LRMDA: variants seen among roughly 807,000 people sequenced by gnomAD.
The protein encoded by LRMDA is leucine rich melanocyte differentiation associated.
Under a neutral mutation model 29.8 loss-of-function variants are expected in LRMDA, and 18 were observed. The observed-to-expected ratio is 0.60, with a 90% confidence interval of 0.42 to 0.90. The LOEUF is 0.90. Ranked by LOEUF, LRMDA falls within the 40% of genes least tolerant of loss-of-function variation. The pLI is 0.00. For missense variants in LRMDA, 273 were observed against 273.9 expected (o/e 1.00, Z 0.02); for synonymous variants, 125 against 109.4 (o/e 1.14, Z -0.89).
intron 2 of LRMDA, among the ~76,000 whole-genome samples, chr10:75,942,905 G>A (rs1472309443): frequency 1.3e-5 from 2 of 152,118 alleles, no homozygotes; most frequent in East Asian, 1.9e-4. Flanking sequence ...TCATCCATGA[G>A]TCTGGATTTG....
At chr10:75,749,007 G>T (rs1280069138) in intron 2 of LRMDA, among the ~76,000 whole-genome samples, 3 of 152,078 alleles carry the variant, frequency 2.0e-5, no homozygotes, top group Non-Finnish European at 4.4e-5. Context: ...GGTTTGAACT[G>T]CATGGATCCA....
Position 76,047,049 on chromosome 10 carries a change from C to A in LRMDA, c.259-115C>A. The A allele has an allele frequency of 1.8e-6, 2 of 1,131,924 alleles. 1 individual carries two copies. Among genetic ancestry groups the A allele is most frequent in the Non-Finnish European group, 2.6e-6 (2 of 778,482 alleles). 70.1% of individuals were successfully genotyped at this position (1,131,924 alleles called of 1,614,324 possible). The stretch of plus-strand genomic sequence containing the variant: ...TACCCACAGCTGAATTGATTTCAGC[C>A]CCCACCCTGAGGTCTCACAGGAGCA... On this transcript the variant is annotated intron_variant, in intron 3 of 6. Coordinates refer to ENST00000611255, the MANE Select transcript of LRMDA (RefSeq NM_001305581.2).
chr10:75,783,515 G>C (rs556877551), intron 2 of LRMDA, among the ~76,000 whole-genome samples: 1 of 150,992 alleles, frequency 6.6e-6, no homozygotes, highest in South Asian at 2.1e-4. Flanking sequence ...GTCTGAGAAT[G>C]GTTTCTGGTT....
chr10:76,533,150 AGT>A (rs869185598), intron 6 of LRMDA, among the ~76,000 whole-genome samples: 1 of 65,104 alleles, frequency 1.5e-5, no homozygotes, highest in African/African-American at 3.8e-5. Context: ...CGAGAGCGAG[AGT>A]GAGAGAGAGC....
At chr10:75,484,765 A>G (rs944849329) in intron 2 of LRMDA, among the ~76,000 whole-genome samples, 1 of 152,214 alleles carries the variant, frequency 6.6e-6, no homozygotes, top group Admixed American at 6.5e-5. Flanking sequence ...TGTGTGAGAC[A>G]CAGCAAGAAG....
intron 2 of LRMDA, among the ~76,000 whole-genome samples, chr10:75,756,965 T>C (rs1387320428): frequency 1.3e-5 from 2 of 152,204 alleles, no homozygotes; most frequent in African/African-American, 4.8e-5. Flanking sequence ...CATGTATTAG[T>C]CTTGAACTAT....
chr10:75,487,895 C>T (rs1844934508), intron 2 of LRMDA, among the ~76,000 whole-genome samples: 1 of 152,186 alleles, frequency 6.6e-6, no homozygotes. Context: ...GCATGGGTCA[C>T]TCTGAGGGTT....
intron 2 of LRMDA, among the ~76,000 whole-genome samples, chr10:75,457,126 CA>C (rs1844526882): frequency 6.6e-6 from 1 of 152,132 alleles, no homozygotes; most frequent in African/African-American, 2.4e-5. Context: ...AGACAGAGAA[CA>C]AAAATGTGCA....
intron 2 of LRMDA, among the ~76,000 whole-genome samples, chr10:75,483,821 T>G (rs954905756): frequency 2.0e-4 from 31 of 152,174 alleles, no homozygotes; most frequent in Non-Finnish European, 3.7e-4. Flanking sequence ...ATTTTTATGC[T>G]TCTCATTTTT....
chr10:76,179,243 G>T (rs12354668), intron 5 of LRMDA, among the ~76,000 whole-genome samples: 7,794 of 152,144 alleles, frequency 0.051, 271 homozygotes, highest in South Asian at 0.083. Context: ...AAGGAGGGGG[G>T]GGTGGTGGAG....
At chr10:76,152,475 A>T (rs1850463550) in intron 5 of LRMDA, among the ~76,000 whole-genome samples, 1 of 152,232 alleles carries the variant, frequency 6.6e-6, no homozygotes, top group Non-Finnish European at 1.5e-5. Context: ...ATAATGAATA[A>T]TGCTGCTATT....
intron 5 of LRMDA, among the ~76,000 whole-genome samples, chr10:76,215,857 AG>A (rs1851719113): frequency 1.3e-5 from 2 of 152,262 alleles, no homozygotes; most frequent in South Asian, 4.1e-4. Context: ...TTTATATCAC[AG>A]CACAATGAAT....
At chr10:75,791,315 A>G (rs1843560958) in intron 2 of LRMDA, among the ~76,000 whole-genome samples, 1 of 152,220 alleles carries the variant, frequency 6.6e-6, no homozygotes, top group Non-Finnish European at 1.5e-5. Context: ...AGAGAATAGA[A>G]ACCAATAAAA....
chr10:75,602,511 A>G (rs889474662), intron 2 of LRMDA, among the ~76,000 whole-genome samples: 1 of 152,148 alleles, frequency 6.6e-6, no homozygotes, highest in Non-Finnish European at 1.5e-5. Flanking sequence ...AAGGTCTAAT[A>G]CGGAGTCTCC....
intron 5 of LRMDA, among the ~76,000 whole-genome samples, chr10:76,264,709 G>A (rs1002426295): frequency 1.3e-5 from 2 of 152,116 alleles, no homozygotes; most frequent in African/African-American, 2.4e-5. Flanking sequence ...AGAAAGGTAC[G>A]CATGGAGAAA....
intron 5 of LRMDA, among the ~76,000 whole-genome samples, chr10:76,283,750 G>A (rs1840235826): frequency 6.6e-6 from 1 of 152,166 alleles, no homozygotes; most frequent in African/African-American, 2.4e-5. Context: ...TCATCCAGGT[G>A]TTTGGTTGAG....
At chr10:76,544,178 C>G (rs1843391417) in intron 6 of LRMDA, among the ~76,000 whole-genome samples, 1 of 152,154 alleles carries the variant, frequency 6.6e-6, no homozygotes, top group Non-Finnish European at 1.5e-5. Flanking sequence ...AATGTCTACG[C>G]TGTTAATTTG....
chr10:76,515,427 AACTT>A (rs1398518067), intron 6 of LRMDA, among the ~76,000 whole-genome samples: 12 of 152,334 alleles, frequency 7.9e-5, no homozygotes, highest in Admixed American at 2.6e-4. Flanking sequence ...TAATTTCACT[AACTT>A]AAGTATTTAA....
intron 2 of LRMDA, among the ~76,000 whole-genome samples, chr10:75,996,494 G>A (rs975571870): frequency 1.3e-5 from 2 of 152,178 alleles, no homozygotes; most frequent in African/African-American, 4.8e-5. Context: ...CAATCTACTT[G>A]TATAAGATGC....
Sources: gnomAD v4.1 joint callset for allele counts (sites outside exome capture counted in the v4.1 genomes callset) on GRCh38, gnomAD v4.1.1 for gene constraint, MANE v1.5 for transcripts, NCBI Gene and HGNC (gene_info 2026-07-23, HGNC 2026-07-21) for gene names.